Variants in CSMD3 observed in about 807,000 individuals in gnomAD.
CSMD3 encodes the protein CUB and Sushi multiple domains 3.
A neutral mutation model predicts 435.2 loss-of-function variants in CSMD3; 177 were observed. The ratio of observed to expected loss-of-function variants is 0.41; its 90% CI spans 0.36 to 0.46. The LOEUF is 0.46. Among genes scored for constraint, CSMD3 ranks in the 20% least tolerant of loss-of-function variants. The pLI, the probability that CSMD3 is intolerant of heterozygous loss-of-function variation, is 0.34. For missense variants in CSMD3, 4,265 were observed against 4,504.6 expected, an observed-to-expected ratio of 0.95 and a Z score of 1.52; for synonymous variants, 1,656 against 1,520.5, an observed-to-expected ratio of 1.09 and a Z score of -2.07.
At chr8:112,409,766 A>T (rs1464530813) in intron 32 of CSMD3, among the ~76,000 whole-genome samples, 1 of 151,956 alleles carries the variant, frequency 6.6e-6, no homozygotes, top group Non-Finnish European at 1.5e-5. Context: ...TTAATTACAT[A>T]CTAAACTTAC....
At chr8:112,407,003 C>A (rs1831919491) in intron 34 of CSMD3, among the ~76,000 whole-genome samples, 1 of 151,796 alleles carries the variant, frequency 6.6e-6, no homozygotes, top group African/African-American at 2.4e-5. Flanking sequence ...ATTAATATTA[C>A]AAAATAGTTT....
chr8:112,590,454 G>C (rs1202603719), intron 22 of CSMD3, among the ~76,000 whole-genome samples: 8 of 151,970 alleles, frequency 5.3e-5, no homozygotes, highest in Non-Finnish European at 1.2e-4. Flanking sequence ...GGGGGTGGGA[G>C]ACAAAGGAGA....
intron 40 of CSMD3, among the ~76,000 whole-genome samples, chr8:112,349,150 A>G (rs544684469): frequency 6.6e-6 from 1 of 152,238 alleles, no homozygotes; most frequent in East Asian, 1.9e-4. Context: ...TGAAGTACAT[A>G]ATGTGAAAAA....
At chr8:112,382,375 C>T (rs1829549516) in intron 37 of CSMD3, among the ~76,000 whole-genome samples, 2 of 151,104 alleles carry the variant, frequency 1.3e-5, no homozygotes, top group African/African-American at 4.9e-5. Context: ...AAATTGTGTG[C>T]GATTTTTCTA....
Position 113,060,659 on chromosome 8 carries a change from C to CA in CSMD3, c.917+38096dup, listed in dbSNP as rs1380416712. ...ATTTAATAAGACATACTCTATTTTA[C>CA]AAAAAATATTAAGTTCATATTATGC... On this transcript the variant is annotated intron_variant, in intron 5 of 70. Transcript: ENST00000297405. 2.0e-5 allele frequency among the ~76,000 whole-genome samples: 3 copies of CA among 152,048 alleles called. No individual in the cohort carries two copies. In the East Asian group the frequency reaches 5.8e-4, roughly 29 times the overall value.
At chr8:112,941,041 G>C (rs1460348344) in intron 9 of CSMD3, among the ~76,000 whole-genome samples, 2 of 151,520 alleles carry the variant, frequency 1.3e-5, no homozygotes, top group African/African-American at 4.8e-5. Context: ...AAAAAAATTG[G>C]GTACTATAAT....
chr8:113,282,045 CTGT>C (rs924620926), intron 2 of CSMD3, among the ~76,000 whole-genome samples: 9 of 151,846 alleles, frequency 5.9e-5, no homozygotes, highest in African/African-American at 1.9e-4. Context: ...GAGAAATCTG[CTGT>C]TAATTTGATA....
At chr8:112,736,496 A>G (rs1366032808) in intron 13 of CSMD3, among the ~76,000 whole-genome samples, 1 of 152,078 alleles carries the variant, frequency 6.6e-6, no homozygotes, top group East Asian at 1.9e-4. Context: ...GTGAACTCTC[A>G]TAGTCTGCAG....
At chr8:112,597,771 T>A (rs1309352685) in intron 22 of CSMD3, among the ~76,000 whole-genome samples, 1 of 126,316 alleles carries the variant, frequency 7.9e-6, no homozygotes, top group East Asian at 2.3e-4. Flanking sequence ...AAAAACCACA[T>A]GATTATCTCA....
At chr8:113,106,804 G>T (rs2090490385) in intron 4 of CSMD3, among the ~76,000 whole-genome samples, 1 of 152,132 alleles carries the variant, frequency 6.6e-6, no homozygotes, top group Non-Finnish European at 1.5e-5. Context: ...AATTGAGATA[G>T]AATTGCAATC....
chr8:112,811,498 C>G (rs1460173151), intron 12 of CSMD3, among the ~76,000 whole-genome samples: 2 of 152,084 alleles, frequency 1.3e-5, no homozygotes, highest in African/African-American at 4.8e-5. Flanking sequence ...AAGATTGTAT[C>G]CTGTCTTCCT....
At chr8:113,305,146 T>C (rs1460705789) in intron 2 of CSMD3, among the ~76,000 whole-genome samples, 1 of 103,238 alleles carries the variant, frequency 9.7e-6, no homozygotes, top group African/African-American at 3.7e-5. Flanking sequence ...CTCTGGGGAC[T>C]GTTGTGGGGT....
chr8:112,457,994 T>C (rs1194028468), intron 32 of CSMD3, among the ~76,000 whole-genome samples: 3 of 152,122 alleles, frequency 2.0e-5, no homozygotes, highest in Non-Finnish European at 4.4e-5. Flanking sequence ...GATAAAGGAT[T>C]ACTTAATTCA....
intron 11 of CSMD3, among the ~76,000 whole-genome samples, chr8:112,836,268 A>G (rs1050611091): frequency 1.3e-5 from 2 of 151,854 alleles, no homozygotes; most frequent in Non-Finnish European, 2.9e-5. Context: ...GAGGTATTTG[A>G]TAACCAAAGG....
At chr8:112,436,985 C>T (rs940019824) in intron 32 of CSMD3, among the ~76,000 whole-genome samples, 4 of 151,966 alleles carry the variant, frequency 2.6e-5, no homozygotes, top group African/African-American at 9.7e-5. Flanking sequence ...TAGTCTTTAT[C>T]CAATGTGGAC....
intron 59 of CSMD3, among the ~76,000 whole-genome samples, chr8:112,269,642 G>C (rs906903969): frequency 6.6e-6 from 1 of 152,048 alleles, no homozygotes. Flanking sequence ...GAAAGCTAAG[G>C]ATCCCCTTAT....
At chr8:112,708,861 A>C (rs2131908153) in intron 13 of CSMD3, among the ~76,000 whole-genome samples, 1 of 152,188 alleles carries the variant, frequency 6.6e-6, no homozygotes, top group Non-Finnish European at 1.5e-5. Context: ...ATCAATCAAG[A>C]AAGCCAAATG....
chr8:113,169,275 T>A (rs2092223354), intron 4 of CSMD3, among the ~76,000 whole-genome samples: 1 of 152,166 alleles, frequency 6.6e-6, no homozygotes, highest in Admixed American at 6.5e-5. Context: ...AACAGTTTCC[T>A]CATTAGCCCT....
chr8:112,672,347 C>A (rs559500733), intron 16 of CSMD3, among the ~76,000 whole-genome samples: 1 of 152,196 alleles, frequency 6.6e-6, no homozygotes, highest in South Asian at 2.1e-4. Flanking sequence ...TAAGGAGGAG[C>A]AGTTCATGGG....
Sources: gnomAD v4.1 joint callset for allele counts (sites outside exome capture counted in the v4.1 genomes callset) on GRCh38, gnomAD v4.1.1 for gene constraint, MANE v1.5 for transcripts, NCBI Gene and HGNC (gene_info 2026-07-23, HGNC 2026-07-21) for gene names.